Variants in EPHA10 observed in about 807,000 individuals in gnomAD.
EPHA10 encodes ephrin type-A receptor 10.
In EPHA10, 120 loss-of-function variants were observed where a neutral mutation model predicts 109.7. The ratio of observed to expected loss-of-function variants is 1.09; its 90% confidence interval spans 0.94 to 1.27. The LOEUF (loss-of-function observed/expected upper bound fraction) is 1.27. Among genes scored for constraint, EPHA10 ranks in the 50% most tolerant of loss-of-function variants. EPHA10 has a pLI of 0.00. For missense variants in EPHA10, 1,396 were observed against 1,411.1 expected (o/e 0.99, Z 0.17); for synonymous variants, 640 against 618.9 (o/e 1.03, Z -0.51).
At chr1:37,744,346 C>T (rs1646198798) in intron 5 of EPHA10, among the ~76,000 whole-genome samples, 1 of 148,052 alleles carries the variant, frequency 6.8e-6, no homozygotes, top group Non-Finnish European at 1.5e-5. Context: ...ACTGTCTCAA[C>T]TAAAAATACA....
At chr1:37,724,173 A>T (rs1217215309) in intron 8 of EPHA10, among the ~76,000 whole-genome samples, 1 of 152,014 alleles carries the variant, frequency 6.6e-6, no homozygotes, top group Non-Finnish European at 1.5e-5. Flanking sequence ...GAGGCAGAGG[A>T]CTCGAGTGAC....
At position 37,723,075 on chromosome 1, in the gene EPHA10, C is replaced by A. The variant is rs181883798; in HGVS notation, c.1926G>T (p.Ala642=). 1,119 of 1,614,206 alleles carry A rather than the reference C, an allele frequency of 6.9e-4. 5 individuals are homozygous for A. The highest frequency in any genetic ancestry group is 7.1e-4 in the Non-Finnish European group (837 of 1,180,044). The part of the protein sequence containing the change: ...AVHLFAKELD[A]KSVTLERSLG... ...GGCTCCTCTCCAGCGTGACGCTTTT[C>A]GCATCCAGTTCCTTGGCGAACAGAT... The change falls in exon 10 of 17, where the codon GCG becomes GCT. Residue 642 remains alanine, a synonymous_variant. Transcript: ENST00000373048.
intron 11 of EPHA10, 65 bp downstream of exon 11, chr1:37,721,595 C>T: frequency 6.7e-7 from 1 of 1,497,076 alleles, no homozygotes; most frequent in Non-Finnish European, 9.0e-7. Flanking sequence ...TCCAAACTCC[C>T]ACACCATCAT....
chr1:37,753,144 G>A lies in EPHA10; in HGVS notation c.1089C>T (p.Ala363=), dbSNP rs1024413162. 3.6e-5 allele frequency: 51 copies of A among 1,406,890 alleles called. No individual in the cohort carries two copies. The African/African-American group carries it at 7.0e-4, about 19-fold the overall frequency. 87.2% of individuals were successfully genotyped at this position (1,406,890 alleles called of 1,614,324 possible). A position where few individuals can be genotyped will look rare whatever the true frequency, so the allele number is the denominator to read the frequency against. The change falls in exon 5 of 17, where the codon GCC becomes GCT. Residue 363 remains alanine, a synonymous_variant. Coordinates refer to ENST00000373048, the MANE Select transcript of EPHA10 (RefSeq NM_001099439.2). ...LVLRLRWLPP[A]DSGGRSDVTY... is the part of the protein sequence containing the mutation. ...TGACGTCCGAGCGGCCTCCCGAGTC[G>A]GCCGGCGGCAGCCAGCGCAGTCGCA...
intron 5 of EPHA10, among the ~76,000 whole-genome samples, chr1:37,736,935 G>T (rs1390186447): frequency 6.6e-6 from 1 of 152,092 alleles, no homozygotes; most frequent in East Asian, 1.9e-4. Context: ...AAATATTGCT[G>T]AAAGAAATGA....
chr1:37,730,703 T>C (rs1187283934), intron 7 of EPHA10, among the ~76,000 whole-genome samples: 1 of 152,204 alleles, frequency 6.6e-6, no homozygotes, highest in African/African-American at 2.4e-5. Context: ...ATCCTTCTTT[T>C]TTTTTTGAGA....
downstream of EPHA10, among the ~76,000 whole-genome samples, chr1:37,715,312 G>C (rs570791672): frequency 6.6e-6 from 1 of 152,118 alleles, no homozygotes; most frequent in South Asian, 2.1e-4. Context: ...TTACAGGCAT[G>C]AGCCACCGAA....
Position 37,731,533 on chromosome 1 carries a change from A to C in EPHA10, c.1541T>G (p.Val514Gly). The C allele has an allele frequency of 1.9e-6, 3 of 1,614,044 alleles. No individual in the cohort carries two copies. The highest frequency in any genetic ancestry group is 2.5e-6 in the Non-Finnish European group (3 of 1,179,978). The change falls in exon 7 of 17, where the codon GTC becomes GGC. Residue 514 changes from valine (V) to glycine (G), a missense_variant. Coordinates refer to ENST00000373048, the MANE Select transcript of EPHA10 (RefSeq NM_001099439.2). The stretch of plus-strand genomic sequence containing the variant: ...AGCCGGCTTCAGGTTGGTGACGGTG[A>C]CTGTGGGCGCCCCTGTCTTCACCAT... ...YSMVKTGAPT[V>G]TVTNLKPATR...
At position 37,754,725 on chromosome 1, in the gene EPHA10, A is replaced by T. The variant is rs1646379020; in HGVS notation, c.851-355T>A. Among the ~76,000 whole-genome samples the T allele has an allele frequency of 6.6e-6, 1 of 152,086 alleles. No homozygotes were observed. The highest frequency in any genetic ancestry group is 2.4e-5 in the African/African-American group (1 of 41,414). ...ACCCCGTCTCTATTTATTATTTTTT[A>T]AATTACGTCTATTAATTCATTGAAT... On this transcript the variant is annotated intron_variant, in intron 3 of 16. Transcript: ENST00000373048. This position sits in a 1 kb window ranked among gnomAD's most constrained non-coding sequence, Gnocchi z 4.5.
chr1:37,735,445 GGGGTGCGGGGAAGA>G, intron 5 of EPHA10, 55 bp from the exon 6 acceptor site: 5 of 1,538,474 alleles, frequency 3.2e-6, no homozygotes, highest in Non-Finnish European at 4.4e-6. Context: ...GGCAGGGCTG[GGGGTGCGGGGAAGA>G]GGGTGCGGCG....
intron 10 of EPHA10, chr1:37,722,276 A>G (rs1645810542): frequency 4.1e-6 from 1 of 246,640 alleles, no homozygotes; most frequent in Non-Finnish European, 8.2e-6. Flanking sequence ...TGCCTTCCTC[A>G]GTGGGGGGAG....
Position 37,717,825 on chromosome 1 carries a change from G to C in EPHA10, c.*547C>G. 8.5e-6 allele frequency: 2 copies of C among 234,792 alleles called. No individual in the cohort carries two copies. Among genetic ancestry groups the C allele is most frequent in the Non-Finnish European group, 8.4e-6 (1 of 118,946 alleles). The allele number at this position is 234,792 out of a possible 1,614,324, so 14.5% of individuals were successfully genotyped here. A position where few individuals can be genotyped will look rare whatever the true frequency, so the allele number is the denominator to read the frequency against. On this transcript the variant is annotated 3_prime_UTR_variant, in exon 17 of 17. Transcript: ENST00000373048. Reference sequence around the variant, plus strand: ...CTGCCTGAGCCTTGGCCAGTGTCCAGTCAGCCCCTGCCAAGGCACAGGGAG... The same window carrying C: ...CTGCCTGAGCCTTGGCCAGTGTCCACTCAGCCCCTGCCAAGGCACAGGGAG...
intron 3 of EPHA10, among the ~76,000 whole-genome samples, chr1:37,760,025 C>G (rs1227851632): frequency 6.6e-6 from 1 of 152,056 alleles, no homozygotes; most frequent in East Asian, 1.9e-4. Flanking sequence ...TATAATAAGC[C>G]CTCAATAAAT....
chr1:37,757,076 C>T (rs1343919898), intron 3 of EPHA10, among the ~76,000 whole-genome samples: 1 of 152,156 alleles, frequency 6.6e-6, no homozygotes, highest in African/African-American at 2.4e-5. Flanking sequence ...ATCCTCCTGC[C>T]TTAGCCTCCC....
rs1195076236 is a variant in EPHA10, at chr1:37,764,203, C to T, written c.106+758G>A. Among the ~76,000 whole-genome samples, 1 of 152,170 alleles carries T rather than the reference C, an allele frequency of 6.6e-6. No individual in the cohort carries two copies. Among genetic ancestry groups the T allele is most frequent in the African/African-American group, 2.4e-5 (1 of 41,446 alleles). On this transcript the variant is annotated intron_variant, in intron 1 of 16. Coordinates refer to ENST00000373048, the MANE Select transcript of EPHA10 (RefSeq NM_001099439.2). This position sits in a 1 kb window ranked among gnomAD's most constrained non-coding sequence, Gnocchi z 5.8. ...GTGGGCAGGACCGCCGACGGCTTTC[C>T]GAGATCCGCGCAACTGACAGCACAT...
At chr1:37,741,802 A>T (rs1646158121) in intron 5 of EPHA10, among the ~76,000 whole-genome samples, 1 of 150,684 alleles carries the variant, frequency 6.6e-6, no homozygotes, top group Non-Finnish European at 1.5e-5. Flanking sequence ...GACAATGCAC[A>T]GCCAGCACTC....
At chr1:37,718,962 G>T in intron 15 of EPHA10, 146 bp from the exon 16 acceptor site, 1 of 1,045,708 alleles carries the variant, frequency 9.6e-7, no homozygotes, top group Non-Finnish European at 1.4e-6. Flanking sequence ...CATGAGCACT[G>T]TGCATTCGTG....
rs777625036 is a variant in EPHA10, at chr1:37,720,395, C to T, written c.2368G>A (p.Gly790Arg). The T allele has an allele frequency of 1.9e-6, 3 of 1,612,994 alleles. No individual in the cohort carries two copies. Among genetic ancestry groups the T allele is most frequent in the Admixed American group, 1.7e-5 (1 of 59,958 alleles). The part of the protein sequence containing the change: ...SDLVCKISGF[G>R]RGPRDRSEAV... ...TCTGATCGGTCCCGGGGGCCCCGCC[C>T]GAAGCCAGAGATCTTGCAGACAAGG... The change falls in exon 13 of 17, where the codon GGG (glycine) becomes AGG (arginine). Residue 790 changes from glycine (G) to arginine (R), a missense_variant. Transcript: ENST00000373048.
chr1:37,759,355 G>A (rs553243162), intron 3 of EPHA10, among the ~76,000 whole-genome samples: 4 of 152,152 alleles, frequency 2.6e-5, no homozygotes, highest in South Asian at 4.2e-4. Flanking sequence ...GCCATGCTAT[G>A]TTCCTTCTGC....
Sources: gnomAD v4.1 joint callset for allele counts (sites outside exome capture counted in the v4.1 genomes callset) on GRCh38, gnomAD v4.1.1 for gene constraint, Gnocchi (gnomAD v3.1) non-coding constraint, MANE v1.5 for transcripts, NCBI Gene and HGNC (gene_info 2026-07-23, HGNC 2026-07-21) for gene names.